SLC3A2: variants seen among roughly 807,000 people sequenced by gnomAD.
SLC3A2 encodes solute carrier family 3 member 2, also known as amino acid transporter heavy chain SLC3A2.
A neutral mutation model predicts 48.5 loss-of-function variants in SLC3A2; 32 were observed. The observed-to-expected ratio is 0.66, with a 90% CI of 0.50 to 0.89. The LOEUF is 0.89. SLC3A2 is among the 40% of genes least tolerant of loss of function. The probability of loss-of-function intolerance (pLI) is 0.00; values close to 1 mark genes in which losing one functional copy is unlikely to be tolerated. For synonymous variants in SLC3A2, 277 were observed against 288.8 expected (o/e 0.96, Z 0.41); for missense variants, 587 against 680.7 (o/e 0.86, Z 1.53).
At chr11:62,872,800 C>T (rs1469387956) in intron 1 of SLC3A2, among the ~76,000 whole-genome samples, 3 of 152,000 alleles carry the variant, frequency 2.0e-5, no homozygotes. Flanking sequence ...TGGGGTTTCT[C>T]CATGTTGGTC....
chr11:62,886,087 C>G (rs369979863), intron 7 of SLC3A2, among the ~76,000 whole-genome samples: 2 of 152,036 alleles, frequency 1.3e-5, no homozygotes, highest in Admixed American at 1.3e-4. Flanking sequence ...GTAAGGAGTT[C>G]GAAACCAGCC....
chr11:62,880,390 G>A (rs1275052646), upstream of SLC3A2: 1 of 152,454 alleles, frequency 6.6e-6, no homozygotes, highest in Non-Finnish European at 1.5e-5. Context: ...GTCTAGCAGA[G>A]GTCTAGCGCC....
intron 1 of SLC3A2, among the ~76,000 whole-genome samples, chr11:62,868,320 A>G (rs2085474476): frequency 6.6e-6 from 1 of 150,728 alleles, no homozygotes; most frequent in South Asian, 2.1e-4. Context: ...TCTCTAGGGT[A>G]TGAATCTAGC....
At chr11:62,857,865 C>A (rs1188070879) in intron 1 of SLC3A2, among the ~76,000 whole-genome samples, 2 of 151,712 alleles carry the variant, frequency 1.3e-5, no homozygotes, top group African/African-American at 4.8e-5. Context: ...GAGGGGAATT[C>A]CAGTTAAAGG....
intron 1 of SLC3A2, among the ~76,000 whole-genome samples, chr11:62,863,200 C>T (rs1196738542): frequency 6.6e-5 from 10 of 152,106 alleles, no homozygotes; most frequent in Admixed American, 5.2e-4. Flanking sequence ...GGATTACAGG[C>T]GTGAGCCACC....
intron 1 of SLC3A2, among the ~76,000 whole-genome samples, chr11:62,868,133 G>C (rs971252625): frequency 1.3e-5 from 2 of 151,888 alleles, no homozygotes; most frequent in Admixed American, 6.6e-5. Flanking sequence ...TGTGGTCCAG[G>C]CTGGTCTCAA....
At chr11:62,864,947 C>A (rs2085438053) in intron 1 of SLC3A2, among the ~76,000 whole-genome samples, 1 of 152,072 alleles carries the variant, frequency 6.6e-6, no homozygotes, top group Non-Finnish European at 1.5e-5. Context: ...AGTGATGGGT[C>A]CATGGACAAG....
rs151008224 is a variant in SLC3A2, at chr11:62,888,138, A to G, written c.1147A>G (p.Met383Val). 16 of 1,613,176 alleles carry G rather than the reference A, an allele frequency of 9.9e-6. No homozygotes were observed. The highest frequency in any genetic ancestry group is 1.8e-4 in the Middle Eastern group (1 of 5,678). The change falls in exon 8 of 9, where the codon ATG becomes GTG. Residue 383 changes from methionine to valine, a missense_variant. This residue lies in a region of SLC3A2 where 169 missense variants were observed against 204.4 expected (regional missense o/e 0.83). Transcript: ENST00000338663. ...LDAAALPGQPMEAPVMLWDES... is the reference protein window; with the variant it reads ...LDAAALPGQPVEAPVMLWDES... ...TCCTATTTTCTCTGCTTTTCAGCCT[A>G]TGGAGGCTCCAGTCATGCTGTGGGA...
chr11:62,867,681 A>G (rs1186257749), intron 1 of SLC3A2, among the ~76,000 whole-genome samples: 1 of 151,758 alleles, frequency 6.6e-6, no homozygotes, highest in Non-Finnish European at 1.5e-5. Context: ...TTATCTCACT[A>G]TGTTGCCCAG....
At chr11:62,871,602 G>A (rs1056227489) in intron 1 of SLC3A2, 6 of 656,090 alleles carry the variant, frequency 9.1e-6, no homozygotes, top group Non-Finnish European at 1.4e-5. Context: ...GTGTTACCCA[G>A]GCTGGTCTTC....
chr11:62,882,813 AC>A (rs2085659680), intron 2 of SLC3A2, 94 bp from the exon 3 acceptor site: 1 of 1,041,068 alleles, frequency 9.6e-7, no homozygotes, highest in Non-Finnish European at 1.5e-6. Context: ...ACCAAGTAAT[AC>A]ATAGGAAACA....
chr11:62,863,138 C>G (rs1264446031), intron 1 of SLC3A2, among the ~76,000 whole-genome samples: 1 of 152,148 alleles, frequency 6.6e-6, no homozygotes, highest in East Asian at 1.9e-4. Context: ...CCAGGCTAGT[C>G]TCGAACCCCT....
chr11:62,871,568 T>A, intron 1 of SLC3A2: 1 of 642,204 alleles, frequency 1.6e-6, no homozygotes, highest in South Asian at 1.7e-5. Context: ...TTATTATTAT[T>A]ATTTGTAGAG....
chr11:62,858,994 G>A (rs1235901638), intron 1 of SLC3A2, among the ~76,000 whole-genome samples: 3 of 152,102 alleles, frequency 2.0e-5, no homozygotes, highest in Non-Finnish European at 4.4e-5. Context: ...GGAGACAGAT[G>A]CCTTCCTCTT....
At chr11:62,871,585 T>C in intron 1 of SLC3A2, 1 of 653,306 alleles carries the variant, frequency 1.5e-6, no homozygotes, top group Non-Finnish European at 2.8e-6. Context: ...AGAGACGGGG[T>C]CTGACTGTGT....
At chr11:62,856,543 T>C (rs552291656) in intron 1 of SLC3A2, among the ~76,000 whole-genome samples, 1 of 152,366 alleles carries the variant, frequency 6.6e-6, no homozygotes, top group African/African-American at 2.4e-5. Context: ...GATCTTGGAC[T>C]ACTACGGGCC....
intron 3 of SLC3A2, chr11:62,884,178 G>T: frequency 1.8e-6 from 1 of 564,222 alleles, no homozygotes; most frequent in Non-Finnish European, 3.2e-6. Context: ...TTTTCTCTGG[G>T]GCCTTTTCTG....
At chr11:62,866,983 CTTCTTT>C (rs962919344) in intron 1 of SLC3A2, among the ~76,000 whole-genome samples, 30 of 151,884 alleles carry the variant, frequency 2.0e-4, no homozygotes, top group Non-Finnish European at 4.1e-4. Context: ...TTTCTTTTTT[CTTCTTT>C]TTCTTTTTCT....
intron 1 of SLC3A2, among the ~76,000 whole-genome samples, chr11:62,873,800 T>C (rs1176419472): frequency 6.6e-6 from 1 of 151,922 alleles, no homozygotes; most frequent in Non-Finnish European, 1.5e-5. Flanking sequence ...TGTTTATTTC[T>C]AATTTTTATT....
Sources: gnomAD v4.1 joint callset for allele counts (sites outside exome capture counted in the v4.1 genomes callset) on GRCh38, gnomAD v4.1.1 for gene constraint, gnomAD v4.1.1 regional missense constraint, MANE v1.5 for transcripts, NCBI Gene and HGNC (gene_info 2026-07-23, HGNC 2026-07-21) for gene names.